Variants in MED14 observed in about 807,000 individuals in gnomAD.
The protein encoded by MED14 is mediator of RNA polymerase II transcription subunit 14.
Under a neutral mutation model 109.0 loss-of-function variants are expected in MED14, and 8 were observed. The ratio of observed to expected loss-of-function variants is 0.07; its 90% CI spans 0.04 to 0.13. The LOEUF is 0.13. MED14 is among the 10% of genes least tolerant of loss of function. MED14 has a pLI of 1.00. For missense variants in MED14, 711 were observed against 1,142.4 expected (o/e 0.62, Z 5.44); for synonymous variants, 399 against 408.7 (o/e 0.98, Z 0.29).
chrX:40,712,951 G>C lies in MED14; in HGVS notation c.744C>G (p.Leu248=). 8.4e-7 allele frequency: 1 copy of C among 1,186,127 alleles called. No individual in the cohort carries two copies. Among genetic ancestry groups the C allele is most frequent in the Non-Finnish European group, 1.1e-6 (1 of 878,747 alleles). ...TATCCTCAACTAGAATTTCTAGCTTGAGAAGACGCCATGGAACATCAGGGT... is the reference window on the plus strand; with the variant it reads ...TATCCTCAACTAGAATTTCTAGCTTCAGAAGACGCCATGGAACATCAGGGT... The part of the protein sequence containing the change: ...GDDPDVPWRL[L]KLEILVEDKE... The change falls in exon 6 of 31, where the codon CTC becomes CTG. Residue 248 remains leucine, a synonymous_variant. Coordinates refer to ENST00000324817, the MANE Select transcript of MED14 (RefSeq NM_004229.4).
intron 3 of MED14, among the ~76,000 whole-genome samples, chrX:40,718,412 A>C (rs990069434): frequency 4.4e-5 from 5 of 112,470 alleles, no homozygotes; most frequent in African/African-American, 1.6e-4. Context: ...GGGATGCCAC[A>C]GTTTATCCAG....
chrX:40,687,859 C>T (rs1234261184), intron 16 of MED14, among the ~76,000 whole-genome samples: 41 of 112,039 alleles, frequency 3.7e-4, no homozygotes, highest in Non-Finnish European at 9.4e-5. Context: ...GCCTGACACA[C>T]AGTCACACTC....
intron 28 of MED14, among the ~76,000 whole-genome samples, chrX:40,658,747 C>T (rs1233286338): frequency 3.8e-5 from 4 of 105,396 alleles, no homozygotes; most frequent in Non-Finnish European, 7.8e-5. Flanking sequence ...CCTGTAGTCC[C>T]AACTACTCAG....
intron 10 of MED14, among the ~76,000 whole-genome samples, chrX:40,704,479 G>A (rs1165472690): frequency 8.9e-6 from 1 of 112,142 alleles, no homozygotes; most frequent in East Asian, 2.8e-4. Flanking sequence ...TTCACCAGGC[G>A]TGGCTTCTGC....
intron 1 of MED14, among the ~76,000 whole-genome samples, chrX:40,732,045 T>A (rs924467313): frequency 8.9e-6 from 1 of 112,297 alleles, no homozygotes; most frequent in East Asian, 2.8e-4. Flanking sequence ...AAGCAGCAAG[T>A]AAGAAGGACA....
At chrX:40,659,696 A>T in intron 26 of MED14, 89 bp from the exon 27 acceptor site, 1 of 898,916 alleles carries the variant, frequency 1.1e-6, no homozygotes, top group African/African-American at 2.0e-5. Context: ...AAAACCACTA[A>T]GTTGATACCT....
At chrX:40,667,293 G>A (rs1293355085) in intron 23 of MED14, among the ~76,000 whole-genome samples, 1 of 112,168 alleles carries the variant, frequency 8.9e-6, no homozygotes, top group Non-Finnish European at 1.9e-5. Flanking sequence ...ACAAGATTGT[G>A]TAGTGAAGGA....
chrX:40,665,516 G>A (rs1266636777), intron 24 of MED14, among the ~76,000 whole-genome samples: 1 of 110,626 alleles, frequency 9.0e-6, no homozygotes, highest in African/African-American at 3.3e-5. Flanking sequence ...CTGGGTAACA[G>A]AGTGAGACTC....
At chrX:40,704,790 G>A in intron 10 of MED14, among the ~76,000 whole-genome samples, 1 of 111,073 alleles carries the variant, frequency 9.0e-6, no homozygotes, top group African/African-American at 3.3e-5. Flanking sequence ...TAAAACATAG[G>A]GTGAGCATCC....
chrX:40,727,392 T>A (rs1362951863), intron 2 of MED14, among the ~76,000 whole-genome samples: 1 of 111,638 alleles, frequency 9.0e-6, no homozygotes, highest in Non-Finnish European at 1.9e-5. Context: ...ACTATGTAAC[T>A]CTTTACCAAA....
At chrX:40,663,817 A>AATAT (rs1200124362) in intron 25 of MED14, among the ~76,000 whole-genome samples, 1 of 112,421 alleles carries the variant, frequency 8.9e-6, no homozygotes, top group Non-Finnish European at 1.9e-5. Flanking sequence ...GATATTGTGA[A>AATAT]ATATATATTT....
chrX:40,659,619 G>A lies in MED14; in HGVS notation c.3685-12C>T. 3.4e-6 allele frequency: 4 copies of A among 1,174,037 alleles called. No individual in the cohort carries two copies. The highest frequency in any genetic ancestry group is 4.6e-6 in the Non-Finnish European group (4 of 875,959). ...TTTATCAGCTGCAGCTACAAAACAA[G>A]GACACATCAAATTAACATGTAAGTC... On this transcript the variant is annotated splice_polypyrimidine_tract_variant and intron_variant, in intron 26 of 30. Coordinates refer to ENST00000324817, the MANE Select transcript of MED14 (RefSeq NM_004229.4).
chrX:40,681,010 A>C, intron 19 of MED14, 100 bp from the exon 20 acceptor site: 1 of 598,950 alleles, frequency 1.7e-6, no homozygotes, highest in Non-Finnish European at 2.5e-6. Context: ...CCAAAAATCT[A>C]AATGGAATTT....
chrX:40,678,259 G>T (rs757768416), intron 21 of MED14, among the ~76,000 whole-genome samples: 1 of 111,622 alleles, frequency 9.0e-6, no homozygotes, highest in Non-Finnish European at 1.9e-5. Context: ...CTATTGAAGA[G>T]ATTTCTTCAA....
rs1928987043 is a variant in MED14, at chrX:40,654,517, G to A, written c.4138C>T (p.Pro1380Ser). 8.3e-7 allele frequency: 1 copy of A among 1,211,202 alleles called. No individual in the cohort carries two copies. Among genetic ancestry groups the A allele is most frequent in the African/African-American group, 1.7e-5 (1 of 57,686 alleles). The change falls in exon 30 of 31, where the codon CCT (proline) becomes TCT (serine). Residue 1380 changes from proline to serine, a missense_variant. Physicochemically the swap from Pro to Ser is moderately conservative, Grantham distance 74. This residue lies in a region of MED14 where 41 missense variants were observed against 66.9 expected (regional missense o/e 0.61). Transcript: ENST00000324817. Reference protein sequence around the residue: ...TQKTSVPPQEPVSIIVPIIYD... With the variant: ...TQKTSVPPQESVSIIVPIIYD... ...ATGATTGGAACTATAATACTAACAG[G>A]TTCTTGGGGAGGGACCGATGTTTTC...
intron 23 of MED14, among the ~76,000 whole-genome samples, chrX:40,669,504 G>A (rs1929641242): frequency 9.0e-6 from 1 of 111,605 alleles, no homozygotes; most frequent in African/African-American, 3.3e-5. Flanking sequence ...ACAGCCAACT[G>A]CCTACTGGAC....
At chrX:40,674,568 T>C (rs769578395) in intron 22 of MED14, among the ~76,000 whole-genome samples, 2 of 111,896 alleles carry the variant, frequency 1.8e-5, no homozygotes, top group East Asian at 5.6e-4. Flanking sequence ...CATATACAAC[T>C]AAAAATGAAG....
At position 40,654,355 on chromosome X, in the gene MED14, G is replaced by A; in HGVS notation, c.4291+9C>T. 8.3e-7 allele frequency: 1 copy of A among 1,208,177 alleles called. No individual in the cohort carries two copies. Among genetic ancestry groups the A allele is most frequent in the Non-Finnish European group, 1.1e-6 (1 of 892,567 alleles). On this transcript the variant is annotated intron_variant, in intron 30 of 30. Transcript: ENST00000324817. ...ATATGCAATAAAATATTGTCTACTG[G>A]TCATGTACCTTGTCGTGGTGGATTC...
intron 29 of MED14, 136 bp from the exon 30 acceptor site, chrX:40,654,692 G>T (rs1928994744): frequency 2.8e-6 from 2 of 721,183 alleles, no homozygotes; most frequent in Non-Finnish European, 4.0e-6. Context: ...GACAAGAAAA[G>T]TGACAAACAA....
Sources: allele counts gnomAD v4.1 joint callset (sites outside exome capture counted in the v4.1 genomes callset), GRCh38; gene constraint gnomAD v4.1.1; regional missense constraint gnomAD v4.1.1; transcripts MANE v1.5; gene names NCBI Gene and HGNC (gene_info 2026-07-23, HGNC 2026-07-21).